The following CTNNA2 variants were observed in gnomAD, a reference collection of about 807,000 sequenced individuals.
The protein encoded by CTNNA2 is catenin alpha 2.
In CTNNA2, 42 loss-of-function variants were observed where a neutral mutation model predicts 101.0. That is an observed-to-expected ratio of 0.42 (90% CI 0.32 to 0.54). The LOEUF is 0.54. CTNNA2 is among the 20% of genes least tolerant of loss of function. The pLI, the probability that CTNNA2 is intolerant of heterozygous loss-of-function variation, is 0.14. For missense variants in CTNNA2, 871 were observed against 1,223.1 expected (o/e 0.71, Z 4.29); for synonymous variants, 450 against 456.4 (o/e 0.99, Z 0.18).
At chr2:80,043,121 CCTTCCTT>C (rs1696262926) in intron 7 of CTNNA2, among the ~76,000 whole-genome samples, 4 of 16,964 alleles carry the variant, frequency 2.4e-4, no homozygotes, top group African/African-American at 1.5e-3. Context: ...CTTTCTTTCT[CCTTCCTT>C]CCTTCCTTCC....
At chr2:79,627,994 T>C (rs1320622052) in intron 1 of CTNNA2, among the ~76,000 whole-genome samples, 1 of 152,232 alleles carries the variant, frequency 6.6e-6, no homozygotes, top group East Asian at 1.9e-4. Flanking sequence ...TCTTTGAATA[T>C]ATATTTTTAT....
At chr2:79,943,719 T>C (rs1688308735) in intron 7 of CTNNA2, among the ~76,000 whole-genome samples, 1 of 152,176 alleles carries the variant, frequency 6.6e-6, no homozygotes, top group South Asian at 2.1e-4. Context: ...CATTGTTACC[T>C]CCAAAAATAT....
intron 7 of CTNNA2, among the ~76,000 whole-genome samples, chr2:80,010,631 A>G (rs1468762098): frequency 6.6e-6 from 1 of 152,070 alleles, no homozygotes; most frequent in Non-Finnish European, 1.5e-5. Flanking sequence ...AAGTGTAATA[A>G]TTCCTAAAGA....
chr2:79,419,840 A>G (rs1678522663), intron 4 of CTNNA2, among the ~76,000 whole-genome samples: 1 of 152,218 alleles, frequency 6.6e-6, no homozygotes, highest in East Asian at 1.9e-4. Context: ...CTGGAAGGAC[A>G]TGACCCCACC....
intron 7 of CTNNA2, among the ~76,000 whole-genome samples, chr2:80,245,223 C>T (rs1237935147): frequency 6.6e-6 from 1 of 152,180 alleles, no homozygotes; most frequent in Non-Finnish European, 1.5e-5. Flanking sequence ...CAGCTTTGTT[C>T]TTTGCAAATT....
chr2:80,578,541 G>A (rs1695260028), intron 13 of CTNNA2, among the ~76,000 whole-genome samples: 1 of 152,130 alleles, frequency 6.6e-6, no homozygotes, highest in Admixed American at 6.6e-5. Flanking sequence ...GCCACGAGTA[G>A]GAGACACACT....
At chr2:80,463,012 T>C (rs1224239308) in intron 9 of CTNNA2, among the ~76,000 whole-genome samples, 1 of 152,182 alleles carries the variant, frequency 6.6e-6, no homozygotes, top group Non-Finnish European at 1.5e-5. Flanking sequence ...CTATGGTTCC[T>C]GTTTCCAACC....
chr2:80,324,126 G>C (rs1350884891), intron 7 of CTNNA2, among the ~76,000 whole-genome samples: 1 of 152,076 alleles, frequency 6.6e-6, no homozygotes, highest in Admixed American at 6.5e-5. Context: ...ACACTCTTTT[G>C]AGCATGAAAA....
chr2:79,281,697 G>T (rs375126485), intron 2 of CTNNA2, among the ~76,000 whole-genome samples: 5 of 152,154 alleles, frequency 3.3e-5, no homozygotes, highest in African/African-American at 1.2e-4. Context: ...TGAACTTTCT[G>T]AAACTACCAA....
At chr2:80,282,808 T>C (rs1200586844) in intron 7 of CTNNA2, among the ~76,000 whole-genome samples, 2 of 152,172 alleles carry the variant, frequency 1.3e-5, no homozygotes, top group Admixed American at 6.5e-5. Flanking sequence ...CAAGCTTCTC[T>C]AGATGAGTAG....
chr2:80,106,191 T>A (rs1373871637), intron 7 of CTNNA2, among the ~76,000 whole-genome samples: 1 of 152,094 alleles, frequency 6.6e-6, no homozygotes, highest in East Asian at 1.9e-4. Flanking sequence ...TCTACACACG[T>A]CAAATGTATA....
intron 7 of CTNNA2, among the ~76,000 whole-genome samples, chr2:79,978,132 A>G (rs1443565508): frequency 1.3e-5 from 2 of 152,052 alleles, no homozygotes; most frequent in African/African-American, 4.8e-5. Flanking sequence ...TTTTTTTCTT[A>G]TGGAAGAGAA....
chr2:79,203,739 C>A (rs1199406567), intron 2 of CTNNA2, among the ~76,000 whole-genome samples: 1 of 152,218 alleles, frequency 6.6e-6, no homozygotes, highest in African/African-American at 2.4e-5. Flanking sequence ...AAAGCATTAA[C>A]CACTGCTCTT....
chr2:79,542,994 C>T (rs945935167), intron 1 of CTNNA2, among the ~76,000 whole-genome samples: 5 of 152,012 alleles, frequency 3.3e-5, no homozygotes, highest in African/African-American at 1.2e-4. Context: ...AAAAACAACT[C>T]ATGTGTTTTT....
At chr2:79,979,689 G>A (rs995076730) in intron 7 of CTNNA2, among the ~76,000 whole-genome samples, 2 of 151,826 alleles carry the variant, frequency 1.3e-5, no homozygotes, top group Admixed American at 1.3e-4. Flanking sequence ...AAGACAAAAA[G>A]AAAGTGAGAA....
intron 7 of CTNNA2, among the ~76,000 whole-genome samples, chr2:80,018,419 A>G (rs1021203498): frequency 6.6e-6 from 1 of 152,114 alleles, no homozygotes; most frequent in East Asian, 1.9e-4. Flanking sequence ...ACCACTCGTA[A>G]TTCAGTGACT....
intron 2 of CTNNA2, among the ~76,000 whole-genome samples, chr2:79,696,125 A>G (rs758888801): frequency 5.9e-5 from 9 of 151,964 alleles, no homozygotes; most frequent in Non-Finnish European, 1.2e-4. Context: ...TTCATCAACA[A>G]ACAATATAAA....
At chr2:80,075,559 A>G (rs1698627424) in intron 7 of CTNNA2, among the ~76,000 whole-genome samples, 1 of 144,204 alleles carries the variant, frequency 6.9e-6, no homozygotes, top group South Asian at 2.1e-4. Context: ...TTATACATGT[A>G]TAAATATTAT....
At chr2:79,522,484 C>A (rs1672170836) in intron 1 of CTNNA2, among the ~76,000 whole-genome samples, 1 of 152,156 alleles carries the variant, frequency 6.6e-6, no homozygotes, top group African/African-American at 2.4e-5. Flanking sequence ...GTGTGTCCTG[C>A]AGTGTGGTAC....
Sources: allele counts gnomAD v4.1 joint callset (sites outside exome capture counted in the v4.1 genomes callset), GRCh38; gene constraint gnomAD v4.1.1; transcripts MANE v1.5; gene names NCBI Gene and HGNC (gene_info 2026-07-23, HGNC 2026-07-21).